Variants in AHCYL2 observed in about 807,000 individuals in gnomAD.
The protein encoded by AHCYL2 is S-adenosylhomocysteine hydrolase-like protein 2.
A neutral mutation model predicts 81.4 loss-of-function variants in AHCYL2; 28 were observed. The ratio of observed to expected loss-of-function variants is 0.34; its 90% CI spans 0.25 to 0.47. The LOEUF is 0.47. Among genes scored for constraint, AHCYL2 ranks in the 20% least tolerant of loss-of-function variants. The pLI, the probability that AHCYL2 is intolerant of heterozygous loss-of-function variation, is 1.00. For missense variants in AHCYL2, 551 were observed against 785.1 expected (o/e 0.70, Z 3.56); for synonymous variants, 272 against 290.2 (o/e 0.94, Z 0.64).
chr7:129,397,099 T>C (rs1241300294), intron 4 of AHCYL2, 123 bp from the exon 5 acceptor site: 14 of 792,798 alleles, frequency 1.8e-5, no homozygotes, highest in Non-Finnish European at 3.9e-6. Flanking sequence ...TAGAGCCCAA[T>C]TTGAAAATCA....
At chr7:129,268,557 C>G (rs1221054243) in intron 1 of AHCYL2, among the ~76,000 whole-genome samples, 1 of 152,100 alleles carries the variant, frequency 6.6e-6, no homozygotes, top group African/African-American at 2.4e-5. Flanking sequence ...ACTATGTAGG[C>G]CAGGCCAGTC....
intron 4 of AHCYL2, among the ~76,000 whole-genome samples, chr7:129,392,146 A>G (rs1433851213): frequency 6.6e-6 from 1 of 152,134 alleles, no homozygotes; most frequent in Non-Finnish European, 1.5e-5. Flanking sequence ...TACCAATTTT[A>G]ATATTAATTT....
Position 129,405,081 on chromosome 7 carries a change from CT to C in AHCYL2, c.1026-14del, listed in dbSNP as rs1796237188. Reference sequence around the variant, plus strand: ...ATGTCCTGGTGTTTTTTGTTCTTGGCTTCCCTCATCCTCAGGCTGTACCAAC... The same window carrying C: ...ATGTCCTGGTGTTTTTTGTTCTTGGCTCCCTCATCCTCAGGCTGTACCAAC... On this transcript the variant is annotated splice_polypyrimidine_tract_variant and intron_variant, in intron 7 of 16. Transcript: ENST00000325006. 1.9e-6 allele frequency: 3 copies of C among 1,550,432 alleles called. No homozygotes were observed. The African/African-American group carries it at 4.2e-5, about 22-fold the overall frequency.
chr7:129,256,316 C>T (rs1280699833), intron 1 of AHCYL2, among the ~76,000 whole-genome samples: 2 of 152,042 alleles, frequency 1.3e-5, no homozygotes, highest in African/African-American at 4.8e-5. Flanking sequence ...AAATATAAAG[C>T]TCTTATCCTC....
chr7:129,397,305 T>A lies in AHCYL2; in HGVS notation c.804T>A (p.Ala268=), dbSNP rs1795791698. 2.5e-6 allele frequency: 4 copies of A among 1,614,158 alleles called. No homozygotes were observed. Among genetic ancestry groups the A allele is most frequent in the Non-Finnish European group, 3.4e-6 (4 of 1,180,024 alleles). The change falls in exon 5 of 17, where the codon GCT becomes GCA. Residue 268 remains alanine (A), a synonymous_variant. Coordinates refer to ENST00000325006, the MANE Select transcript of AHCYL2 (RefSeq NM_015328.4). ...TCTATTCCACTCTCAATGAAGTGGC[T>A]GCTGCTCTAGCAGAAAGTGGTAAGA... ...CNIYSTLNEV[A]AALAESGFPV...
rs915105206 is a variant in AHCYL2, at chr7:129,429,270, C to T, written c.*2225C>T. ...CCTCTCTGTAGGGACACTGTGTTATCAACCATTAAGAAGAAAGAACCACAA... is the reference window on the plus strand; with the variant it reads ...CCTCTCTGTAGGGACACTGTGTTATTAACCATTAAGAAGAAAGAACCACAA... On this transcript the variant is annotated 3_prime_UTR_variant, in exon 17 of 17. Coordinates refer to ENST00000325006, the MANE Select transcript of AHCYL2 (RefSeq NM_015328.4). 4 of 152,184 alleles carry T rather than the reference C, an allele frequency of 2.6e-5. No individual in the cohort carries two copies. The highest frequency in any genetic ancestry group is 5.9e-5 in the Non-Finnish European group (4 of 68,036). The allele number at this position is 152,184 out of a possible 1,614,324, so 9.4% of individuals were successfully genotyped here. A position where few individuals can be genotyped will look rare whatever the true frequency, so the allele number is the denominator to read the frequency against.
At chr7:129,373,355 C>T (rs1794507739) in intron 1 of AHCYL2, among the ~76,000 whole-genome samples, 1 of 151,930 alleles carries the variant, frequency 6.6e-6, no homozygotes, top group African/African-American at 2.4e-5. Context: ...ACCAGCCTGG[C>T]TAACACGAAG....
intron 1 of AHCYL2, among the ~76,000 whole-genome samples, chr7:129,247,810 C>A (rs953124496): frequency 2.6e-5 from 4 of 152,144 alleles, no homozygotes; most frequent in Non-Finnish European, 2.9e-5. Context: ...CCATGTTGCC[C>A]AGGCTGGTCT....
intron 13 of AHCYL2, chr7:129,424,601 T>C (rs1797273632): frequency 2.0e-6 from 1 of 505,320 alleles, no homozygotes; most frequent in Non-Finnish European, 3.6e-6. Context: ...ACACTGATAT[T>C]TGGCATAAGC....
chr7:129,372,244 C>T (rs1020440392), intron 1 of AHCYL2, among the ~76,000 whole-genome samples: 12 of 152,120 alleles, frequency 7.9e-5, no homozygotes, highest in African/African-American at 2.7e-4. Flanking sequence ...TTTAAATAGG[C>T]AAAGTAGATA....
intron 1 of AHCYL2, among the ~76,000 whole-genome samples, chr7:129,358,594 G>A (rs1415868679): frequency 2.0e-5 from 3 of 152,192 alleles, no homozygotes; most frequent in Admixed American, 6.5e-5. Flanking sequence ...CTGGAGGGAA[G>A]GGAGAATGAG....
chr7:129,386,886 A>G (rs1014914377), intron 2 of AHCYL2, among the ~76,000 whole-genome samples: 1 of 152,222 alleles, frequency 6.6e-6, no homozygotes, highest in African/African-American at 2.4e-5. Context: ...ATGTATGTAT[A>G]TCATTCTTTT....
intron 1 of AHCYL2, among the ~76,000 whole-genome samples, chr7:129,240,970 T>TAAATGTACAACC (rs1228313300): frequency 6.6e-6 from 1 of 152,200 alleles, no homozygotes; most frequent in Non-Finnish European, 1.5e-5. Context: ...ACTTAGGAAT[T>TAAATGTACAACC]ATTTAGTTGT....
chr7:129,318,538 T>C (rs1325543046), intron 1 of AHCYL2, among the ~76,000 whole-genome samples: 2 of 152,202 alleles, frequency 1.3e-5, no homozygotes, highest in Non-Finnish European at 2.9e-5. Flanking sequence ...GTGGGTAAGA[T>C]TGTGGAAGAT....
At chr7:129,413,163 A>C (rs1292214740) in intron 11 of AHCYL2, among the ~76,000 whole-genome samples, 1 of 128,216 alleles carries the variant, frequency 7.8e-6, no homozygotes, top group Non-Finnish European at 1.6e-5. Context: ...TTTTTTTGAG[A>C]AAGAGTCTTG....
At chr7:129,309,243 A>G (rs1345330194) in intron 1 of AHCYL2, among the ~76,000 whole-genome samples, 1 of 148,834 alleles carries the variant, frequency 6.7e-6, no homozygotes, top group East Asian at 2.0e-4. Context: ...AAACAACAAC[A>G]AAAATTATGG....
intron 1 of AHCYL2, among the ~76,000 whole-genome samples, chr7:129,237,565 T>G (rs1353586441): frequency 1.3e-5 from 2 of 152,242 alleles, no homozygotes; most frequent in Admixed American, 6.5e-5. Context: ...GATTTTTTTT[T>G]TTTGTTTATG....
chr7:129,349,468 CAAAAA>C (rs56205996), intron 1 of AHCYL2, among the ~76,000 whole-genome samples: 6 of 98,474 alleles, frequency 6.1e-5, no homozygotes, highest in South Asian at 4.0e-4. Context: ...CCATCTCTAC[CAAAAA>C]AAAAAAAAAA....
At chr7:129,387,089 G>A (rs1184176073) in intron 2 of AHCYL2, among the ~76,000 whole-genome samples, 1 of 152,172 alleles carries the variant, frequency 6.6e-6, no homozygotes, top group Non-Finnish European at 1.5e-5. Flanking sequence ...ACTCTGACAA[G>A]TCATGTTCTC....
Sources: allele counts gnomAD v4.1 joint callset (sites outside exome capture counted in the v4.1 genomes callset), GRCh38; gene constraint gnomAD v4.1.1; transcripts MANE v1.5; gene names NCBI Gene and HGNC (gene_info 2026-07-23, HGNC 2026-07-21).